Variants in BLTP1 observed in about 807,000 individuals in gnomAD.
BLTP1 encodes bridge-like lipid transfer protein family member 1, also known as fragile site-associated protein.
chr4:122,353,968 A>G, the BLTP1 span: 3 of 1,613,620 alleles, frequency 1.9e-6, no homozygotes, highest in Non-Finnish European at 2.5e-6. The surrounding 1 kb of genome is among the most constrained non-coding windows in gnomAD (Gnocchi z 4.3). Context: ...CCCATGGAGT[A>G]GCAAGTGTGA....
chr4:122,189,723 T>C, the BLTP1 span: 9 of 907,910 alleles, frequency 9.9e-6, no homozygotes, highest in African/African-American at 1.6e-4. Context: ...TTTTTTCTTT[T>C]TAAAACCAAA....
At chr4:122,162,663 A>C in the BLTP1 span, 2 of 985,098 alleles carry the variant, frequency 2.0e-6, no homozygotes, top group Non-Finnish European at 2.4e-6. Context: ...TGTTATTAAC[A>C]CAAATTAAAT....
chr4:122,205,310 A>T, the BLTP1 span, among the ~76,000 whole-genome samples: 1 of 151,826 alleles, frequency 6.6e-6, no homozygotes, highest in Non-Finnish European at 1.5e-5. Flanking sequence ...ACTTTGTTCA[A>T]ACTTTACATA....
chr4:122,345,565 AG>A, the BLTP1 span, among the ~76,000 whole-genome samples: 1 of 145,672 alleles, frequency 6.9e-6, no homozygotes, highest in South Asian at 2.1e-4. Context: ...GAGAGGCTAG[AG>A]GTAAAGCTGA....
the BLTP1 span, chr4:122,174,574 G>T: frequency 6.2e-7 from 1 of 1,609,108 alleles, no homozygotes; most frequent in Non-Finnish European, 8.5e-7. Context: ...CCTATAACAG[G>T]TTCCTTCTCT....
chr4:122,248,754 A>G, the BLTP1 span, among the ~76,000 whole-genome samples: 1 of 152,078 alleles, frequency 6.6e-6, no homozygotes, highest in African/African-American at 2.4e-5. Context: ...AAAAATTTTA[A>G]TGACCTGAGG....
chr4:122,236,294 G>C, the BLTP1 span, among the ~76,000 whole-genome samples: 2 of 152,128 alleles, frequency 1.3e-5, no homozygotes, highest in Non-Finnish European at 2.9e-5. Flanking sequence ...TACTTTGGCA[G>C]GTTTGCTAGA....
At chr4:122,207,238 G>A in the BLTP1 span, 2 of 1,609,642 alleles carry the variant, frequency 1.2e-6, no homozygotes, top group Non-Finnish European at 1.7e-6. Context: ...CAATTGGATC[G>A]ACTGTTCTAC....
chr4:122,325,950 A>G, the BLTP1 span: 1 of 636,134 alleles, frequency 1.6e-6, no homozygotes, highest in Non-Finnish European at 2.4e-6. Context: ...ATTTTGCTTT[A>G]AAACTAATCA....
chr4:122,196,805 T>A, the BLTP1 span: 1 of 1,383,814 alleles, frequency 7.2e-7, no homozygotes, highest in Non-Finnish European at 9.9e-7. Flanking sequence ...ATTATTATAA[T>A]AATATAGTAG....
At chr4:122,169,767 G>A in the BLTP1 span, 22 of 984,740 alleles carry the variant, frequency 2.2e-5, no homozygotes, top group Non-Finnish European at 2.5e-5. Context: ...GTTCTACAGT[G>A]AATTTTTCTT....
the BLTP1 span, chr4:122,172,218 T>C: frequency 1.8e-6 from 1 of 559,682 alleles, no homozygotes; most frequent in Non-Finnish European, 2.3e-6. Context: ...CATAATTGTT[T>C]AAAAGTTAAG....
chr4:122,304,410 C>T, the BLTP1 span, among the ~76,000 whole-genome samples: 65 of 152,236 alleles, frequency 4.3e-4, no homozygotes, highest in Admixed American at 3.5e-3. Flanking sequence ...AGGGTTTCAC[C>T]ATGTTGGCCA....
chr4:122,361,903 C>A, the BLTP1 span: 2 of 1,048,210 alleles, frequency 1.9e-6, no homozygotes, highest in Non-Finnish European at 2.6e-6. Context: ...CTCATTTATA[C>A]AAATGTACCT....
the BLTP1 span, chr4:122,237,437 A>C: frequency 2.5e-6 from 2 of 808,642 alleles, no homozygotes; most frequent in African/African-American, 3.7e-5. Context: ...TATTCTAGGC[A>C]CTGGAGGTAC....
chr4:122,197,721 A>C, the BLTP1 span, among the ~76,000 whole-genome samples: 2 of 152,090 alleles, frequency 1.3e-5, no homozygotes, highest in Non-Finnish European at 2.9e-5. Context: ...CCGGGTGGGT[A>C]CTTTGAGTGG....
chr4:122,207,088 T>G, the BLTP1 span: 1 of 1,574,700 alleles, frequency 6.4e-7, no homozygotes, highest in Non-Finnish European at 8.6e-7. Flanking sequence ...ACAATTTCTA[T>G]TCACTACCCC....
chr4:122,336,363 C>A, the BLTP1 span: 1 of 1,553,818 alleles, frequency 6.4e-7, no homozygotes, highest in South Asian at 1.2e-5. Flanking sequence ...GGTAAGCATC[C>A]TTCTTATATA....
the BLTP1 span, among the ~76,000 whole-genome samples, chr4:122,294,321 AG>A: frequency 6.6e-6 from 1 of 152,188 alleles, no homozygotes; most frequent in South Asian, 2.1e-4. Flanking sequence ...ACCTCCCAAC[AG>A]GGGTCTCCAG....
Sources: gnomAD v4.1 joint callset for allele counts (sites outside exome capture counted in the v4.1 genomes callset) on GRCh38, gnomAD v4.1.1 for gene constraint, Gnocchi (gnomAD v3.1) non-coding constraint, MANE v1.5 for transcripts, NCBI Gene and HGNC (gene_info 2026-07-23, HGNC 2026-07-21) for gene names.